CSMD2: variants seen among roughly 807,000 people sequenced by gnomAD.
CSMD2 encodes the protein CUB and sushi domain-containing protein 2.
CSMD2 carries 130 observed loss-of-function variants against 398.5 expected under a neutral mutation model. The ratio of observed to expected loss-of-function variants is 0.33; its 90% CI spans 0.28 to 0.38. CSMD2 has a LOEUF of 0.38. CSMD2 is among the 10% of genes least tolerant of loss of function. The pLI is 1.00. For missense variants in CSMD2, 3,829 were observed against 4,764.9 expected (o/e 0.80, Z 5.78); for synonymous variants, 1,828 against 1,908.5 (o/e 0.96, Z 1.10).
intron 13 of CSMD2, among the ~76,000 whole-genome samples, chr1:33,766,188 T>C (rs34741566): frequency 0.039 from 5,931 of 152,108 alleles, 195 homozygotes; most frequent in Non-Finnish European, 0.049. Context: ...TGGGCGCGCG[T>C]GTGTGTGTGG....
chr1:33,839,417 G>A (rs1006042664), intron 6 of CSMD2: 5 of 153,540 alleles, frequency 3.3e-5, no homozygotes, highest in Non-Finnish European at 7.3e-5. Flanking sequence ...TAATGGCATG[G>A]TGTTTGGAAG....
chr1:33,706,799 TGC>T (rs1038113383), intron 22 of CSMD2, among the ~76,000 whole-genome samples: 11 of 151,336 alleles, frequency 7.3e-5, no homozygotes, highest in South Asian at 2.1e-4. Flanking sequence ...TGTGTGTGTG[TGC>T]GCGTGCATGT....
At chr1:33,564,931 C>G (rs762707181) in intron 53 of CSMD2, among the ~76,000 whole-genome samples, 1 of 152,188 alleles carries the variant, frequency 6.6e-6, no homozygotes, top group Non-Finnish European at 1.5e-5. Context: ...TACTTCCAGG[C>G]AGCTAAGCAT....
chr1:33,783,580 C>T (rs1395965948), intron 12 of CSMD2, among the ~76,000 whole-genome samples: 1 of 152,020 alleles, frequency 6.6e-6, no homozygotes, highest in East Asian at 1.9e-4. Flanking sequence ...TTGGCCAAAT[C>T]CTTAACCTTG....
intron 54 of CSMD2, among the ~76,000 whole-genome samples, chr1:33,558,347 C>T (rs983851745): frequency 3.3e-5 from 5 of 152,152 alleles, no homozygotes; most frequent in African/African-American, 1.2e-4. Flanking sequence ...GGGTTGGGCT[C>T]TTTTGAAAAT....
chr1:33,540,685 C>A lies in CSMD2; in HGVS notation c.9471G>T (p.Lys3157Asn). Residue 3157 changes from lysine to asparagine, a missense_variant, in exon 60 of 71, where the codon AAG becomes AAT. Coordinates refer to ENST00000373381, the MANE Select transcript of CSMD2 (RefSeq NM_001281956.2). Reference sequence around the variant, plus strand: ...TCCCATTGGGGATGAGCGGAGGTGGCTTGCACATGAGAGCTGGAGGGAGAC... The same window carrying A: ...TCCCATTGGGGATGAGCGGAGGTGGATTGCACATGAGAGCTGGAGGGAGAC... The part of the protein sequence containing the change: ...TKPVCKALMC[K>N]PPPLIPNGKV... 6.2e-7 allele frequency: 1 copy of A among 1,614,160 alleles called. No individual in the cohort carries two copies. The highest frequency in any genetic ancestry group is 1.1e-5 in the South Asian group (1 of 91,078).
At chr1:34,092,756 C>T (rs1206480390) in intron 1 of CSMD2, among the ~76,000 whole-genome samples, 2 of 152,246 alleles carry the variant, frequency 1.3e-5, no homozygotes, top group African/African-American at 4.8e-5. Flanking sequence ...TCGGAGGGTC[C>T]TACCCCACGG....
chr1:33,688,484 C>T (rs569071399), intron 25 of CSMD2, among the ~76,000 whole-genome samples: 15 of 152,198 alleles, frequency 9.9e-5, no homozygotes, highest in Admixed American at 2.6e-4. Context: ...ATTGTGGAAA[C>T]GTTTCATTTC....
chr1:33,707,695 G>GCGCACACACACACA (rs1172787777), intron 22 of CSMD2, among the ~76,000 whole-genome samples: 5 of 92,090 alleles, frequency 5.4e-5, no homozygotes, highest in South Asian at 3.1e-4. Context: ...GCGCGCGCGC[G>GCGCACACACACACA]CACACACACA....
intron 3 of CSMD2, among the ~76,000 whole-genome samples, chr1:33,983,372 T>C (rs1228075360): frequency 6.6e-6 from 1 of 152,168 alleles, no homozygotes; most frequent in Non-Finnish European, 1.5e-5. Context: ...ATCTCTCTAC[T>C]TGGGAACATT....
intron 15 of CSMD2, among the ~76,000 whole-genome samples, chr1:33,735,702 G>A (rs1008072255): frequency 1.3e-5 from 2 of 152,090 alleles, no homozygotes; most frequent in Admixed American, 6.5e-5. Flanking sequence ...AGAAGCCATC[G>A]TCTCTCTTGT....
At chr1:33,884,001 G>A (rs1005711143) in intron 5 of CSMD2, among the ~76,000 whole-genome samples, 3 of 152,130 alleles carry the variant, frequency 2.0e-5, no homozygotes, top group Admixed American at 6.5e-5. Context: ...GGCCAGGCAG[G>A]AAGCTAGAGG....
intron 49 of CSMD2, 79 bp downstream of exon 49, chr1:33,577,217 A>C: frequency 2.3e-6 from 3 of 1,322,256 alleles, no homozygotes; most frequent in Admixed American, 2.3e-5. Flanking sequence ...CACATTTGGA[A>C]GTGACTAGTC....
chr1:33,951,417 A>C (rs1310501301), intron 3 of CSMD2, among the ~76,000 whole-genome samples: 1 of 152,170 alleles, frequency 6.6e-6, no homozygotes, highest in African/African-American at 2.4e-5. Context: ...TCTTGTATTT[A>C]AAAAACTATC....
chr1:33,782,834 G>T (rs1186808241), intron 12 of CSMD2, among the ~76,000 whole-genome samples: 2 of 152,136 alleles, frequency 1.3e-5, no homozygotes, highest in Non-Finnish European at 2.9e-5. Context: ...CGGATGTCAT[G>T]TAGAAAACGT....
chr1:33,965,039 G>A (rs1645509148), intron 3 of CSMD2, among the ~76,000 whole-genome samples: 1 of 152,244 alleles, frequency 6.6e-6, no homozygotes, highest in East Asian at 1.9e-4. Flanking sequence ...AAGGTGCAGA[G>A]GCAGAGGGCT....
intron 3 of CSMD2, among the ~76,000 whole-genome samples, chr1:34,028,994 T>C (rs1383433405): frequency 6.6e-6 from 1 of 152,216 alleles, no homozygotes; most frequent in Non-Finnish European, 1.5e-5. Context: ...ACTTTTCACA[T>C]TCTGGATGAG....
intron 3 of CSMD2, among the ~76,000 whole-genome samples, chr1:33,984,820 G>A (rs1394433156): frequency 6.7e-6 from 1 of 148,766 alleles, no homozygotes; most frequent in Non-Finnish European, 1.5e-5. Context: ...AGAAGGGAGG[G>A]AGGGAAGGAG....
At chr1:33,793,238 C>T (rs1654537548) in intron 10 of CSMD2, among the ~76,000 whole-genome samples, 1 of 152,024 alleles carries the variant, frequency 6.6e-6, no homozygotes, top group Admixed American at 6.6e-5. Flanking sequence ...CAGCTGGAGT[C>T]AGGGGCAGGT....
Sources: allele counts gnomAD v4.1 joint callset (sites outside exome capture counted in the v4.1 genomes callset), GRCh38; gene constraint gnomAD v4.1.1; transcripts MANE v1.5; gene names NCBI Gene and HGNC (gene_info 2026-07-23, HGNC 2026-07-21).